Variants in ROBO2 observed in about 807,000 individuals in gnomAD.
The protein encoded by ROBO2 is roundabout homolog 2.
ROBO2 carries 53 observed loss-of-function variants against 160.8 expected under a neutral mutation model. That is an observed-to-expected ratio of 0.33 (90% CI 0.26 to 0.41). ROBO2 has a LOEUF of 0.41. Among genes scored for constraint, ROBO2 ranks in the 10% least tolerant of loss-of-function variants. ROBO2 has a pLI of 1.00. For missense variants in ROBO2, 1,577 were observed against 1,722.4 expected (o/e 0.92, Z 1.49); for synonymous variants, 664 against 611.7 (o/e 1.09, Z -1.26).
intron 2 of ROBO2, among the ~76,000 whole-genome samples, chr3:76,717,535 A>C (rs909635318): frequency 2.0e-5 from 3 of 151,974 alleles, no homozygotes; most frequent in African/African-American, 7.2e-5. Flanking sequence ...CTATCAACCT[A>C]ACAGAGTTGT....
At chr3:76,289,608 G>A (rs755764784) in intron 2 of ROBO2, among the ~76,000 whole-genome samples, 3 of 152,148 alleles carry the variant, frequency 2.0e-5, no homozygotes, top group Non-Finnish European at 2.9e-5. Context: ...TTCTTCTAGC[G>A]TTTTTATAGT....
intron 2 of ROBO2, among the ~76,000 whole-genome samples, chr3:76,323,165 A>G (rs1559763039): frequency 6.6e-6 from 1 of 150,762 alleles, no homozygotes; most frequent in Non-Finnish European, 1.5e-5. Context: ...ACACACACAC[A>G]CACACACACA....
chr3:76,977,997 T>C (rs1467414956), intron 2 of ROBO2, among the ~76,000 whole-genome samples: 1 of 152,230 alleles, frequency 6.6e-6, no homozygotes, highest in Admixed American at 6.5e-5. Flanking sequence ...TGAATTTCTG[T>C]GCATTCATGC....
intron 2 of ROBO2, among the ~76,000 whole-genome samples, chr3:77,322,127 G>GGTTT (rs2064779091): frequency 6.6e-6 from 1 of 151,936 alleles, no homozygotes; most frequent in East Asian, 1.9e-4. Context: ...GAGAATATGA[G>GGTTT]GTTTGGTTCC....
At chr3:76,256,013 C>G (rs757755519) in intron 2 of ROBO2, among the ~76,000 whole-genome samples, 2 of 151,826 alleles carry the variant, frequency 1.3e-5, no homozygotes, top group Non-Finnish European at 2.9e-5. Context: ...AAAGACTTAC[C>G]CTGAGCCAGG....
intron 6 of ROBO2, among the ~76,000 whole-genome samples, chr3:77,526,503 T>A (rs188939924): frequency 6.6e-6 from 1 of 151,552 alleles, no homozygotes; most frequent in Admixed American, 6.6e-5. Flanking sequence ...TTCATTTGGA[T>A]AATGGGATCA....
intron 2 of ROBO2, among the ~76,000 whole-genome samples, chr3:77,134,500 G>A (rs993458500): frequency 1.3e-5 from 2 of 152,162 alleles, no homozygotes; most frequent in East Asian, 1.9e-4. Flanking sequence ...GAAACTGAAG[G>A]ATAAAGGTTA....
chr3:75,915,651 A>G (rs1043808211), intron 1 of ROBO2, among the ~76,000 whole-genome samples: 4 of 152,122 alleles, frequency 2.6e-5, no homozygotes, highest in Admixed American at 6.6e-5. Context: ...CTGCATTCTG[A>G]TAAGAAGGCA....
At chr3:77,547,534 T>G (rs78205075) in intron 7 of ROBO2, among the ~76,000 whole-genome samples, 1,563 of 152,238 alleles carry the variant, frequency 0.01, 19 homozygotes, top group Non-Finnish European at 0.017. Context: ...TGTGTTTATC[T>G]GCAACATACA....
At chr3:76,677,244 G>A (rs1277811502) in intron 2 of ROBO2, among the ~76,000 whole-genome samples, 1 of 152,054 alleles carries the variant, frequency 6.6e-6, no homozygotes, top group East Asian at 1.9e-4. Context: ...GTAGGAGGGA[G>A]AGAAGAAGGA....
intron 2 of ROBO2, among the ~76,000 whole-genome samples, chr3:77,320,796 T>C (rs1159564023): frequency 6.6e-6 from 1 of 152,182 alleles, no homozygotes; most frequent in Non-Finnish European, 1.5e-5. Flanking sequence ...TTTAAAAAAA[T>C]ATATTTTTTG....
At chr3:77,480,403 G>A (rs1237659510) in intron 3 of ROBO2, among the ~76,000 whole-genome samples, 8 of 151,724 alleles carry the variant, frequency 5.3e-5, no homozygotes, top group Non-Finnish European at 8.8e-5. Flanking sequence ...TAATATTATT[G>A]CATTTGTTTT....
At chr3:76,448,583 CTG>C (rs1428469772) in intron 2 of ROBO2, among the ~76,000 whole-genome samples, 2 of 152,134 alleles carry the variant, frequency 1.3e-5, no homozygotes, top group African/African-American at 2.4e-5. Flanking sequence ...AGCTCTATAA[CTG>C]TTACTAAACA....
intron 1 of ROBO2, among the ~76,000 whole-genome samples, chr3:77,068,588 C>A (rs1183671807): frequency 1.3e-5 from 2 of 151,988 alleles, no homozygotes; most frequent in Non-Finnish European, 2.9e-5. Flanking sequence ...AAAATTCACC[C>A]CAAAGTATGA....
At chr3:77,364,860 T>C (rs2070607911) in intron 2 of ROBO2, among the ~76,000 whole-genome samples, 3 of 152,150 alleles carry the variant, frequency 2.0e-5, no homozygotes. Context: ...TTTTAATTCA[T>C]ATGCATGCAG....
chr3:76,036,432 G>A (rs1446941666), intron 2 of ROBO2, among the ~76,000 whole-genome samples: 1 of 151,714 alleles, frequency 6.6e-6, no homozygotes, highest in African/African-American at 2.4e-5. Context: ...TTACAGGCGT[G>A]AGCCAATGCG....
intron 2 of ROBO2, among the ~76,000 whole-genome samples, chr3:77,300,949 A>T (rs2062603545): frequency 1.3e-5 from 2 of 151,798 alleles, no homozygotes; most frequent in Admixed American, 1.3e-4. Flanking sequence ...TTGGCCACTA[A>T]CATCCACCTC....
chr3:75,938,182 C>T lies in ROBO2; in HGVS notation c.109+580C>T, dbSNP rs550535208. On this transcript the variant is annotated intron_variant, in intron 2 of 26. Transcript: ENST00000487694. ...GAGTGGAGCTGTAAGGTTGTGGCATCCTGAAATGTCTGTTGGAGAGTAGAA... is the reference window on the plus strand; with the variant it reads ...GAGTGGAGCTGTAAGGTTGTGGCATTCTGAAATGTCTGTTGGAGAGTAGAA... 5.9e-5 allele frequency among the ~76,000 whole-genome samples: 9 copies of T among 151,640 alleles called. No homozygotes were observed. In the East Asian group the frequency reaches 1.6e-3, roughly 26 times the overall value.
At chr3:77,593,519 T>C (rs1264393051) in intron 17 of ROBO2, among the ~76,000 whole-genome samples, 1 of 152,196 alleles carries the variant, frequency 6.6e-6, no homozygotes, top group East Asian at 1.9e-4. Context: ...TGTTTTGCAA[T>C]GCATTTGAGA....
Sources: gnomAD v4.1 joint callset for allele counts (sites outside exome capture counted in the v4.1 genomes callset) on GRCh38, gnomAD v4.1.1 for gene constraint, MANE v1.5 for transcripts, NCBI Gene and HGNC (gene_info 2026-07-23, HGNC 2026-07-21) for gene names.